The following SAE1 variants were observed in gnomAD, a reference collection of about 807,000 sequenced individuals.
SAE1 encodes SUMO-activating enzyme subunit 1.
A neutral mutation model predicts 40.6 loss-of-function variants in SAE1; 11 were observed. That is an observed-to-expected ratio of 0.27 (90% CI 0.17 to 0.45). The LOEUF (loss-of-function observed/expected upper bound fraction) is 0.45, where lower values mean the gene tolerates loss of function less well. Ranked by LOEUF, SAE1 falls within the 20% of genes least tolerant of loss-of-function variation. The pLI is 1.00. For synonymous variants in SAE1, 155 were observed against 154.3 expected, an observed-to-expected ratio of 1.00 and a Z score of -0.03; for missense variants, 373 against 427.3, an observed-to-expected ratio of 0.87 and a Z score of 1.12.
At chr19:47,164,359 G>A (rs1470868624) in intron 5 of SAE1, among the ~76,000 whole-genome samples, 2 of 151,516 alleles carry the variant, frequency 1.3e-5, no homozygotes, top group Non-Finnish European at 2.9e-5. Context: ...TAGTAGAGAC[G>A]GGTTTCACCG....
At chr19:47,155,665 C>G (rs951742932) in intron 5 of SAE1, among the ~76,000 whole-genome samples, 9 of 151,646 alleles carry the variant, frequency 5.9e-5, no homozygotes, top group Non-Finnish European at 8.8e-5. Flanking sequence ...TGGTCTCGAA[C>G]TCCTGACCTC....
intron 6 of SAE1, among the ~76,000 whole-genome samples, chr19:47,170,125 C>G (rs16980850): frequency 0.011 from 1,736 of 152,248 alleles, 28 homozygotes; most frequent in African/African-American, 0.04. Context: ...AATGACTTCT[C>G]CTTTTTTTAC....
chr19:47,136,434 A>G (rs886158112), intron 1 of SAE1, among the ~76,000 whole-genome samples: 4 of 151,028 alleles, frequency 2.6e-5, no homozygotes, highest in African/African-American at 9.7e-5. Context: ...CACCACACCC[A>G]GCCTGATTTA....
intron 3 of SAE1, among the ~76,000 whole-genome samples, chr19:47,151,420 G>A (rs1161091655): frequency 1.3e-5 from 2 of 151,774 alleles, no homozygotes; most frequent in African/African-American, 2.4e-5. Flanking sequence ...CAAAGTGGTG[G>A]GATTACAGGT....
At chr19:47,195,627 C>G (rs2058608775) in intron 6 of SAE1, among the ~76,000 whole-genome samples, 1 of 151,984 alleles carries the variant, frequency 6.6e-6, no homozygotes, top group South Asian at 2.1e-4. Flanking sequence ...GAATGTGTAC[C>G]TCCCACTCCT....
At chr19:47,169,120 A>G (rs186837012) in intron 5 of SAE1, among the ~76,000 whole-genome samples, 7 of 152,262 alleles carry the variant, frequency 4.6e-5, no homozygotes, top group Admixed American at 3.9e-4. Context: ...TCCTCTGCCA[A>G]GAAACATTTA....
chr19:47,182,464 A>AGTGTGTGTGTGTGT (rs113149127), intron 6 of SAE1, among the ~76,000 whole-genome samples: 104 of 144,454 alleles, frequency 7.2e-4, no homozygotes, highest in East Asian at 4.5e-3. Context: ...AAAAAAGCGT[A>AGTGTGTGTGTGTGT]GTGTGTGTGT....
chr19:47,133,858 TTTTG>T (rs914636484), intron 1 of SAE1, among the ~76,000 whole-genome samples: 28 of 151,510 alleles, frequency 1.8e-4, no homozygotes, highest in African/African-American at 6.8e-4. Context: ...GATTTGTTTT[TTTTG>T]TTTGTTTTTT....
intron 7 of SAE1, among the ~76,000 whole-genome samples, chr19:47,201,441 G>A (rs549192778): frequency 6.5e-5 from 8 of 123,188 alleles, no homozygotes; most frequent in East Asian, 2.5e-4. Flanking sequence ...GCGTGATCTC[G>A]GCTTATTGCA....
intron 2 of SAE1, among the ~76,000 whole-genome samples, chr19:47,149,670 T>C (rs2058275472): frequency 6.6e-6 from 1 of 152,136 alleles, no homozygotes; most frequent in African/African-American, 2.4e-5. Context: ...TGAATTTTCT[T>C]TATAAACACA....
rs71179299 is a variant in SAE1, at chr19:47,139,586, CT to C, written c.99-3889del. ...GGACAATGCTGCTGTGAATGTGTATCTTTTTTTTTTTTTTTTTTTGAGACAG... is the reference window on the plus strand; with the variant it reads ...GGACAATGCTGCTGTGAATGTGTATCTTTTTTTTTTTTTTTTTTGAGACAG... On this transcript the variant is annotated intron_variant, in intron 1 of 8. Transcript: ENST00000270225. Among the ~76,000 whole-genome samples the C allele has an allele frequency of 4.9e-3, 600 of 122,790 alleles. 8 individuals carry two copies. The highest frequency in any genetic ancestry group is 0.032 in the Admixed American group (370 of 11,462). 80.6% of individuals were successfully genotyped at this position (122,790 alleles called of 152,430 possible).
At chr19:47,163,281 T>G (rs1467151394) in intron 5 of SAE1, among the ~76,000 whole-genome samples, 2 of 152,070 alleles carry the variant, frequency 1.3e-5, no homozygotes, top group Non-Finnish European at 2.9e-5. Flanking sequence ...TGAAATTATG[T>G]TAATAATAAA....
chr19:47,146,020 TCTGAG>T (rs2058253878), intron 2 of SAE1, among the ~76,000 whole-genome samples: 1 of 110,658 alleles, frequency 9.0e-6, no homozygotes, highest in African/African-American at 3.6e-5. Flanking sequence ...GGAGTCCTGA[TCTGAG>T]CTAAGTCTTA....
intron 4 of SAE1, among the ~76,000 whole-genome samples, chr19:47,154,080 A>G (rs1339176567): frequency 7.0e-6 from 1 of 143,552 alleles, no homozygotes; most frequent in East Asian, 2.1e-4. Flanking sequence ...GGCGTGAGCC[A>G]CCGCACCCGG....
chr19:47,169,711 C>T, intron 5 of SAE1, 107 bp from the exon 6 acceptor site: 2 of 769,846 alleles, frequency 2.6e-6, no homozygotes. Flanking sequence ...TTTTAATGGT[C>T]AGTAAACTTT....
At chr19:47,159,469 C>A (rs533364301) in intron 5 of SAE1, among the ~76,000 whole-genome samples, 3 of 152,186 alleles carry the variant, frequency 2.0e-5, no homozygotes, top group East Asian at 3.9e-4. Flanking sequence ...GTAGCACAGT[C>A]ATATCCACGG....
chr19:47,197,679 G>T (rs1207226427), intron 7 of SAE1, among the ~76,000 whole-genome samples: 1 of 151,956 alleles, frequency 6.6e-6, no homozygotes, highest in African/African-American at 2.4e-5. Flanking sequence ...TTATCTCTTG[G>T]GGACATCTCC....
intron 1 of SAE1, among the ~76,000 whole-genome samples, chr19:47,132,810 C>A (rs2058154327): frequency 6.6e-6 from 1 of 151,722 alleles, no homozygotes; most frequent in African/African-American, 2.4e-5. Context: ...ATCACCTGAG[C>A]CCCTGGGAGG....
chr19:47,147,596 GC>G (rs1172105912), intron 2 of SAE1, among the ~76,000 whole-genome samples: 2 of 151,022 alleles, frequency 1.3e-5, no homozygotes, highest in African/African-American at 4.9e-5. Context: ...AGGATTACAG[GC>G]GTGTGCCACC....
Sources: gnomAD v4.1 joint callset for allele counts (sites outside exome capture counted in the v4.1 genomes callset) on GRCh38, gnomAD v4.1.1 for gene constraint, MANE v1.5 for transcripts, NCBI Gene and HGNC (gene_info 2026-07-23, HGNC 2026-07-21) for gene names.